Variants in LPO observed in about 807,000 individuals in gnomAD.
The protein encoded by LPO is salivary peroxidase.
Under a neutral mutation model 68.4 loss-of-function variants are expected in LPO, and 70 were observed. The ratio of observed to expected loss-of-function variants is 1.02; its 90% CI spans 0.84 to 1.25. The LOEUF is 1.25. Ranked by LOEUF, LPO falls within the 50% of genes most tolerant of loss-of-function variation. The probability of loss-of-function intolerance (pLI) is 0.00; values close to 1 mark genes in which losing one functional copy is unlikely to be tolerated. For missense variants in LPO, 873 were observed against 908.4 expected (o/e 0.96, Z 0.50); for synonymous variants, 360 against 357.6 (o/e 1.01, Z -0.08).
chr17:58,251,805 C>T, intron 7 of LPO: 1 of 535,186 alleles, frequency 1.9e-6, no homozygotes, highest in East Asian at 5.2e-5. Flanking sequence ...TGCATAATTC[C>T]TGGCACATGG....
chr17:58,249,749 A>G (rs1969922759), intron 6 of LPO, 54 bp downstream of exon 6: 1 of 1,511,224 alleles, frequency 6.6e-7, no homozygotes, highest in Non-Finnish European at 8.8e-7. Flanking sequence ...GACGGGATGC[A>G]CTACCCAAAC....
At chr17:58,266,427 C>A in intron 11 of LPO, 101 bp downstream of exon 11, 4 of 1,308,760 alleles carry the variant, frequency 3.1e-6, no homozygotes, top group South Asian at 1.5e-5. Context: ...ATCATCTGAT[C>A]AATTCTGAAA....
intron 7 of LPO, 69 bp downstream of exon 7, chr17:58,250,690 T>C (rs1446224724): frequency 3.4e-6 from 5 of 1,492,454 alleles, no homozygotes; most frequent in Non-Finnish European, 4.6e-6. Context: ...CATTCCCAGC[T>C]CATCAGCTAG....
At chr17:58,249,535 C>T (rs774466105) in intron 5 of LPO, 31 bp from the exon 6 acceptor site, 7 of 1,596,998 alleles carry the variant, frequency 4.4e-6, no homozygotes, top group East Asian at 2.3e-5. Context: ...GCCGGCCTGC[C>T]GAAGCTCAGC....
chr17:58,244,135 C>T (rs1301389796), intron 3 of LPO, 54 bp downstream of exon 3: 13 of 1,142,382 alleles, frequency 1.1e-5, no homozygotes, highest in South Asian at 2.7e-5. Context: ...ACACACACTT[C>T]CCTTCACAGG....
intron 3 of LPO, 70 bp from the exon 4 acceptor site, chr17:58,247,407 CA>C: frequency 7.0e-7 from 1 of 1,435,058 alleles, no homozygotes; most frequent in Non-Finnish European, 9.5e-7. Flanking sequence ...ACACCCCTCC[CA>C]CCCCTCCAGC....
At chr17:58,260,213 T>G (rs1970152323) in intron 9 of LPO, among the ~76,000 whole-genome samples, 1 of 152,256 alleles carries the variant, frequency 6.6e-6, no homozygotes, top group South Asian at 2.1e-4. Context: ...GATTTTTTTA[T>G]GTGTTGATTT....
chr17:58,243,185 G>C, intron 2 of LPO, 130 bp downstream of exon 2: 1 of 850,398 alleles, frequency 1.2e-6, no homozygotes, highest in Admixed American at 1.9e-5. Flanking sequence ...GGTGTTGGCA[G>C]GGCTGTGCTC....
chr17:58,260,828 T>C (rs1970162285), intron 9 of LPO, among the ~76,000 whole-genome samples: 1 of 152,168 alleles, frequency 6.6e-6, no homozygotes, highest in African/African-American at 2.4e-5. Context: ...TTTTGATATA[T>C]TGTGTTTTTA....
At chr17:58,267,206 A>G (rs1481361255) in intron 11 of LPO, 143 bp from the exon 12 acceptor site, 4 of 622,502 alleles carry the variant, frequency 6.4e-6, no homozygotes, top group African/African-American at 5.5e-5. Flanking sequence ...GCAGATAAAA[A>G]ACAATGGATT....
At chr17:58,257,612 A>C (rs893924755) in intron 9 of LPO, among the ~76,000 whole-genome samples, 1 of 152,366 alleles carries the variant, frequency 6.6e-6, no homozygotes, top group South Asian at 2.1e-4. Context: ...AAGAGTGCGG[A>C]TATCTCTTTG....
intron 9 of LPO, among the ~76,000 whole-genome samples, chr17:58,264,047 A>C (rs1274898235): frequency 6.6e-6 from 1 of 152,196 alleles, no homozygotes; most frequent in African/African-American, 2.4e-5. Context: ...ACAGAGCCTC[A>C]CTGTGAAAGC....
chr17:58,266,504 A>T (rs1379088762), intron 11 of LPO, among the ~76,000 whole-genome samples, 178 bp downstream of exon 11: 1 of 151,966 alleles, frequency 6.6e-6, no homozygotes, highest in African/African-American at 2.4e-5. Flanking sequence ...TCTGTTGCCC[A>T]GGCTAGAGTA....
At position 58,247,600 on chromosome 17, in the gene LPO, A is replaced by G; in HGVS notation, c.287A>G (p.Lys96Arg). 1 of 1,614,170 alleles carries G rather than the reference A, an allele frequency of 6.2e-7. No homozygotes were observed. The highest frequency in any genetic ancestry group is 1.1e-5 in the South Asian group (1 of 91,088). Reference protein sequence around the residue: ...RNGQVWEESLKRLRQKASLTN... With the variant: ...RNGQVWEESLRRLRQKASLTN... The stretch of plus-strand genomic sequence containing the variant: ...GGACAGGTGTGGGAGGAGTCTTTAA[A>G]GAGACTGAGGCAGAAGGCATCCTTG... Residue 96 changes from lysine (K) to arginine (R), a missense_variant, in exon 4 of 13, where the codon AAG becomes AGG. Transcript: ENST00000262290.
At chr17:58,261,861 A>G (rs1336179816) in intron 9 of LPO, among the ~76,000 whole-genome samples, 1 of 152,238 alleles carries the variant, frequency 6.6e-6, no homozygotes, top group Non-Finnish European at 1.5e-5. Context: ...AGATAGAGAT[A>G]TGGATTTACA....
At chr17:58,256,990 C>CTTTTTTTTTTTTTTTTTTTTTTTT (rs1040765289) in intron 9 of LPO, among the ~76,000 whole-genome samples, 1 of 75,040 alleles carries the variant, frequency 1.3e-5, no homozygotes, top group Non-Finnish European at 2.4e-5. Flanking sequence ...AGGTCTTACT[C>CTTTTTTTTTTTTTTTTTTTTTTTT]TTTTTTTTTT....
chr17:58,261,659 C>T (rs1224555267), intron 9 of LPO, among the ~76,000 whole-genome samples: 1 of 151,960 alleles, frequency 6.6e-6, no homozygotes, highest in East Asian at 1.9e-4. Flanking sequence ...TCCCATATCT[C>T]TCATTTTATT....
Position 58,267,651 on chromosome 17 carries a change from C to T in LPO, c.1931+65C>T, listed in dbSNP as rs559944219. The T allele has an allele frequency of 4.0e-6, 6 of 1,495,250 alleles. No individual in the cohort carries two copies. In the African/African-American group the frequency reaches 8.3e-5, roughly 21 times the overall value. The allele number at this position is 1,495,250 out of a possible 1,614,324, so 92.6% of individuals were successfully genotyped here. ...TTCTCCAAGAGGGGTGTCCCAAGGT[C>T]CTGCGTGAGCGCTGACTCCGGATCT... On this transcript the variant is annotated intron_variant, in intron 12 of 12. Transcript: ENST00000262290.
chr17:58,258,990 A>T (rs1388407369), intron 9 of LPO, among the ~76,000 whole-genome samples: 6 of 151,152 alleles, frequency 4.0e-5, no homozygotes, highest in African/African-American at 1.5e-4. Flanking sequence ...CAGATATGTG[A>T]TTTGCAGTGA....
Sources: allele counts gnomAD v4.1 joint callset (sites outside exome capture counted in the v4.1 genomes callset), GRCh38; gene constraint gnomAD v4.1.1; transcripts MANE v1.5; gene names NCBI Gene and HGNC (gene_info 2026-07-23, HGNC 2026-07-21).